ATP9B: variants seen among roughly 807,000 people sequenced by gnomAD.
The protein encoded by ATP9B is ATPase phospholipid transporting 9B.
ATP9B carries 110 observed loss-of-function variants against 146.1 expected under a neutral mutation model. The observed-to-expected ratio is 0.75, with a 90% confidence interval of 0.65 to 0.88. The LOEUF is 0.88. Ranked by LOEUF, ATP9B falls within the 40% of genes least tolerant of loss-of-function variation. ATP9B has a pLI of 0.00. For synonymous variants in ATP9B, 604 were observed against 569.7 expected, an observed-to-expected ratio of 1.06 and a Z score of -0.86; for missense variants, 1,499 against 1,496.4, an observed-to-expected ratio of 1.00 and a Z score of -0.03.
At chr18:79,287,549 G>A (rs2096457796) in intron 13 of ATP9B, among the ~76,000 whole-genome samples, 1 of 151,372 alleles carries the variant, frequency 6.6e-6, no homozygotes, top group Non-Finnish European at 1.5e-5. Context: ...CAATTTTGTT[G>A]ATCCTTTCAA....
intron 20 of ATP9B, 60 bp downstream of exon 20, chr18:79,342,426 T>C (rs1230983149): frequency 4.0e-5 from 46 of 1,156,986 alleles, no homozygotes; most frequent in Non-Finnish European, 5.6e-5. Context: ...AAACGAAGCC[T>C]ATTGTTTTTG....
intron 11 of ATP9B, among the ~76,000 whole-genome samples, chr18:79,226,791 C>G (rs1266992061): frequency 6.6e-6 from 1 of 152,212 alleles, no homozygotes; most frequent in East Asian, 1.9e-4. Flanking sequence ...GTTTGCAGTG[C>G]TCTACGGGAT....
At chr18:79,201,814 C>T (rs944754762) in intron 9 of ATP9B, among the ~76,000 whole-genome samples, 1 of 152,158 alleles carries the variant, frequency 6.6e-6, no homozygotes, top group Admixed American at 6.5e-5. Context: ...CCACCTCGGC[C>T]TCCCAAAGTG....
chr18:79,341,024 C>G (rs1020266804), intron 19 of ATP9B, among the ~76,000 whole-genome samples: 1 of 152,220 alleles, frequency 6.6e-6, no homozygotes, highest in Non-Finnish European at 1.5e-5. Context: ...AGTGCCGGGC[C>G]CAGGTGTTAC....
At chr18:79,135,942 A>T (rs1436467401) in intron 5 of ATP9B, among the ~76,000 whole-genome samples, 2 of 152,138 alleles carry the variant, frequency 1.3e-5, no homozygotes, top group East Asian at 1.9e-4. Context: ...ATGTAAGTTT[A>T]TCTCTGGACC....
chr18:79,368,469 G>A (rs1056019275), intron 26 of ATP9B, among the ~76,000 whole-genome samples: 8 of 152,196 alleles, frequency 5.3e-5, no homozygotes, highest in East Asian at 3.9e-4. Flanking sequence ...CCATGTCTGC[G>A]CCTGGCCCTG....
At chr18:79,207,161 C>A in intron 10 of ATP9B, 149 bp downstream of exon 10, 1 of 719,434 alleles carries the variant, frequency 1.4e-6, no homozygotes, top group Non-Finnish European at 2.3e-6. Context: ...GGGTCTGAGA[C>A]AGTCCTGGGA....
chr18:79,200,727 G>GTCAGGGTCAGAGCAGAGGTGGAGGTGGGC, intron 9 of ATP9B, among the ~76,000 whole-genome samples: 1 of 45,542 alleles, frequency 2.2e-5, no homozygotes, highest in African/African-American at 7.3e-5. Context: ...TGGAGGTGGG[G>GTCAGGGTCAGAGCAGAGGTGGAGGTGGGC]ACTGTCGGGG....
At chr18:79,314,167 G>A (rs1288570587) in intron 15 of ATP9B, among the ~76,000 whole-genome samples, 2 of 152,148 alleles carry the variant, frequency 1.3e-5, no homozygotes, top group Non-Finnish European at 2.9e-5. Context: ...CAACATCTAT[G>A]GTTAATAAGC....
intron 1 of ATP9B, among the ~76,000 whole-genome samples, chr18:79,092,511 CTT>C (rs958160228): frequency 2.6e-5 from 4 of 151,746 alleles, no homozygotes; most frequent in East Asian, 1.9e-4. Flanking sequence ...TTTTTAAAAA[CTT>C]ATTGACTTTT....
chr18:79,197,643 AAG>A (rs1264941343), intron 9 of ATP9B, among the ~76,000 whole-genome samples: 1 of 152,176 alleles, frequency 6.6e-6, no homozygotes, highest in Admixed American at 6.5e-5. Flanking sequence ...TAAAAAAAGA[AAG>A]AGGTCAGTAG....
chr18:79,346,158 C>T (rs1387139833), intron 23 of ATP9B, among the ~76,000 whole-genome samples: 1 of 149,576 alleles, frequency 6.7e-6, no homozygotes, highest in Non-Finnish European at 1.5e-5. Flanking sequence ...ACTCAGCACA[C>T]GGTCAGCGCA....
rs372682661 is a variant in ATP9B at position 79,310,864 on chromosome 18, G to T, written c.1773+3630G>T. Among the ~76,000 whole-genome samples, 28 of 152,176 alleles carry T rather than the reference G, an allele frequency of 1.8e-4. No homozygotes were observed. In the East Asian group the frequency reaches 3.7e-3, roughly 20 times the overall value. On this transcript the variant is annotated intron_variant, in intron 15 of 29. Transcript: ENST00000426216. Reference sequence around the variant, plus strand: ...AGCACCCCCATTACAGAAATGCTGGGCTGGGGCCAGGCATGGTGGGTCATG... The same window carrying T: ...AGCACCCCCATTACAGAAATGCTGGTCTGGGGCCAGGCATGGTGGGTCATG...
At chr18:79,096,249 C>G (rs1429560224) in intron 1 of ATP9B, among the ~76,000 whole-genome samples, 1 of 152,154 alleles carries the variant, frequency 6.6e-6, no homozygotes, top group Admixed American at 6.5e-5. Flanking sequence ...ATTATGCTCA[C>G]AGCACGGTTA....
chr18:79,330,228 CT>C (rs1872089518), intron 17 of ATP9B, 124 bp downstream of exon 17: 1 of 857,214 alleles, frequency 1.2e-6, no homozygotes, highest in Non-Finnish European at 1.9e-6. Flanking sequence ...AAAGGATATC[CT>C]TTCCCCAGCT....
At chr18:79,354,798 G>C (rs73973086) in intron 25 of ATP9B, among the ~76,000 whole-genome samples, 33,999 of 152,046 alleles carry the variant, frequency 0.22, 4,016 homozygotes, top group African/African-American at 0.3. Flanking sequence ...CGGCAGCCTG[G>C]AAACGCCCAT....
chr18:79,142,081 C>G (rs1026864181), intron 5 of ATP9B, among the ~76,000 whole-genome samples: 6 of 152,202 alleles, frequency 3.9e-5, no homozygotes, highest in African/African-American at 1.4e-4. Flanking sequence ...TATTTTGTTA[C>G]TGTACTCTGT....
chr18:79,272,776 CT>C (rs1252799551), intron 12 of ATP9B, among the ~76,000 whole-genome samples: 1 of 152,228 alleles, frequency 6.6e-6, no homozygotes, highest in Non-Finnish European at 1.5e-5. Flanking sequence ...TCTCAGTCAC[CT>C]TCTGTTATGC....
At chr18:79,367,887 G>A (rs879346275) in intron 26 of ATP9B, among the ~76,000 whole-genome samples, 15 of 152,372 alleles carry the variant, frequency 9.8e-5, no homozygotes, top group African/African-American at 2.4e-4. Context: ...CATTAAGGAC[G>A]GGGAGACAGA....
Sources: gnomAD v4.1 joint callset for allele counts (sites outside exome capture counted in the v4.1 genomes callset) on GRCh38, gnomAD v4.1.1 for gene constraint, MANE v1.5 for transcripts, NCBI Gene and HGNC (gene_info 2026-07-23, HGNC 2026-07-21) for gene names.